Variants in HIVEP3 observed in about 807,000 individuals in gnomAD.
HIVEP3 encodes HIVEP zinc finger 3, also known as transcription factor HIVEP3.
In HIVEP3, 49 loss-of-function variants were observed where a neutral mutation model predicts 152.8. The observed-to-expected ratio is 0.32, with a 90% confidence interval of 0.26 to 0.41. The LOEUF is 0.41. Among genes scored for constraint, HIVEP3 ranks in the 10% least tolerant of loss-of-function variants. HIVEP3 has a pLI of 1.00. For missense variants in HIVEP3, 2,790 were observed against 3,103.3 expected (o/e 0.90, Z 2.40); for synonymous variants, 1,269 against 1,289.0 (o/e 0.98, Z 0.33).
intron 1 of HIVEP3, among the ~76,000 whole-genome samples, chr1:41,945,957 C>A (rs1645072599): frequency 6.6e-6 from 1 of 152,048 alleles, no homozygotes. Context: ...AACTTAGAAA[C>A]CCTACTGAAC....
At chr1:41,636,325 G>C (rs943822599) in intron 2 of HIVEP3, among the ~76,000 whole-genome samples, 1 of 152,200 alleles carries the variant, frequency 6.6e-6, no homozygotes. Context: ...ATATGGATTA[G>C]AGATATAAAC....
In HIVEP3 at chr1:41,584,388, C is replaced by T. The variant is rs892098653; in HGVS notation, c.410G>A (p.Gly137Glu). 6.2e-7 allele frequency: 1 copy of T among 1,613,710 alleles called. No homozygotes were observed. The highest frequency in any genetic ancestry group is 1.3e-5 in the African/African-American group (1 of 74,966). The part of the protein sequence containing the change: ...PGPSGSFVAP[G>E]LHPQSQLLPS... ...AAGGAGCTGGCTCTGAGGATGGAGC[C>T]CAGGGGCCACGAAGGAGCCAGAGGG... The change falls in exon 4 of 9, where the codon GGG (glycine) becomes GAG (glutamate). Residue 137 changes from glycine to glutamate, a missense_variant. Gly to Glu is a moderately conservative substitution (Grantham distance 98, BLOSUM62 -2). Transcript: ENST00000372583. This position sits in a 1 kb window ranked among gnomAD's most constrained non-coding sequence, Gnocchi z 5.2.
chr1:41,893,095 C>T (rs537189806), intron 1 of HIVEP3, among the ~76,000 whole-genome samples: 3 of 132,986 alleles, frequency 2.3e-5, no homozygotes, highest in Non-Finnish European at 4.6e-5. Flanking sequence ...TGCACTCTAG[C>T]GTGGGTGACA....
intron 4 of HIVEP3, among the ~76,000 whole-genome samples, chr1:41,576,856 C>A (rs1306595187): frequency 6.6e-6 from 1 of 152,346 alleles, no homozygotes; most frequent in East Asian, 1.9e-4. Flanking sequence ...TCCAGGGCAA[C>A]TTCTGTGACT....
chr1:41,699,031 C>T (rs1040760535), intron 2 of HIVEP3, among the ~76,000 whole-genome samples: 4 of 152,206 alleles, frequency 2.6e-5, no homozygotes, highest in African/African-American at 4.8e-5. Context: ...CATTAAGGCA[C>T]GCACGCTGAC....
At chr1:41,923,164 A>C (rs1644950137), upstream of HIVEP3, among the ~76,000 whole-genome samples, 1 of 152,256 alleles carries the variant, frequency 6.6e-6, no homozygotes, top group Non-Finnish European at 1.5e-5. Context: ...TGGTTACTAC[A>C]TGGTAGTTAA....
At chr1:41,902,336 G>C (rs1644639119) in intron 1 of HIVEP3, among the ~76,000 whole-genome samples, 1 of 152,152 alleles carries the variant, frequency 6.6e-6, no homozygotes, top group Non-Finnish European at 1.5e-5. Context: ...GTCGGTAGGA[G>C]AGTGGAGAAG....
At position 41,584,463 on chromosome 1, in the gene HIVEP3, T is replaced by C; in HGVS notation, c.335A>G (p.His112Arg). The change falls in exon 4 of 9, where the codon CAT becomes CGT. Residue 112 changes from histidine (H) to arginine (R), a missense_variant. His to Arg is a conservative substitution (Grantham distance 29). Around this residue, in one of 9 missense-constraint regions of HIVEP3, gnomAD observed 209 missense variants for 237.0 expected, o/e 0.88. Coordinates refer to ENST00000372583, the MANE Select transcript of HIVEP3 (RefSeq NM_024503.5). The surrounding 1 kb of genome is among the most constrained non-coding windows in gnomAD (Gnocchi z 5.2). ...TTGCCATGTGGACCCCTCCAGGAGA[T>C]GCTCAGGTTTGCCAGGCGACATGAA... ...PAFMSPGKPE[H>R]LLEGSTWQLV... 1 of 1,614,062 alleles carries C rather than the reference T, an allele frequency of 6.2e-7. No homozygotes were observed.
At chr1:41,623,587 T>C (rs1645075613) in intron 3 of HIVEP3, among the ~76,000 whole-genome samples, 1 of 152,106 alleles carries the variant, frequency 6.6e-6, no homozygotes, top group South Asian at 2.1e-4. Flanking sequence ...CAGGCCTGGC[T>C]CTCTTCCTTG....
chr1:41,550,723 G>GT (rs1643885815), intron 5 of HIVEP3, among the ~76,000 whole-genome samples: 2 of 152,082 alleles, frequency 1.3e-5, no homozygotes, highest in Admixed American at 1.3e-4. Flanking sequence ...GCACATTGAT[G>GT]TTGTATCCTG....
At chr1:42,001,413 C>T (rs1055115588) in intron 1 of HIVEP3, among the ~76,000 whole-genome samples, 3 of 152,144 alleles carry the variant, frequency 2.0e-5, no homozygotes, top group African/African-American at 7.2e-5. Context: ...GATGCTGTGC[C>T]CATAAAGGCA....
intron 1 of HIVEP3, among the ~76,000 whole-genome samples, chr1:41,955,571 T>C (rs12069939): frequency 0.015 from 2,333 of 152,300 alleles, 58 homozygotes; most frequent in African/African-American, 0.054. Flanking sequence ...CATCCTGCCA[T>C]GCAGGGCACA....
chr1:41,626,565 C>T (rs1645121287), intron 3 of HIVEP3, among the ~76,000 whole-genome samples: 1 of 152,148 alleles, frequency 6.6e-6, no homozygotes, highest in Admixed American at 6.5e-5. Flanking sequence ...GGACAGTTCC[C>T]CCATGTATCT....
intron 1 of HIVEP3, among the ~76,000 whole-genome samples, chr1:41,787,696 ATTTT>A (rs879683214): frequency 3.7e-5 from 5 of 135,476 alleles, no homozygotes; most frequent in African/African-American, 1.3e-4. Flanking sequence ...AATTAAAAAA[ATTTT>A]TTTTTTTTTT....
In HIVEP3 at chr1:41,901,295, G is replaced by A. The variant is rs538404273; in HGVS notation, c.-801+17118C>T. ...GGGAAGGTGCTGAGCCGAGTTATGC[G>A]TGTGTTGAGTCATCTAAGTGGAGAT... On this transcript the variant is annotated intron_variant, in intron 1 of 8. Transcript: ENST00000372583. Among the ~76,000 whole-genome samples the A allele has an allele frequency of 1.1e-3, 173 of 152,236 alleles. 3 individuals are homozygous for A. In the South Asian group the frequency reaches 0.033, roughly 29 times the overall value.
At chr1:41,525,104 C>T (rs992860635) in intron 5 of HIVEP3, among the ~76,000 whole-genome samples, 194 bp from the exon 6 acceptor site, 13 of 152,154 alleles carry the variant, frequency 8.5e-5, no homozygotes, top group Non-Finnish European at 1.2e-4. Context: ...CCCCTGCGCC[C>T]CTCCCCCTCA....
intron 1 of HIVEP3, among the ~76,000 whole-genome samples, chr1:42,011,410 G>A (rs1487719234): frequency 6.6e-6 from 1 of 152,200 alleles, no homozygotes. Context: ...ATTAGTTTCT[G>A]TATTGACCTC....
intron 1 of HIVEP3, among the ~76,000 whole-genome samples, chr1:41,866,601 A>T (rs554485603): frequency 3.7e-4 from 57 of 152,066 alleles, no homozygotes; most frequent in African/African-American, 1.1e-3. Flanking sequence ...TAAAAAGGTA[A>T]CCTCTGTCCT....
At chr1:41,529,705 T>A (rs1175521344) in intron 5 of HIVEP3, among the ~76,000 whole-genome samples, 1 of 126,198 alleles carries the variant, frequency 7.9e-6, no homozygotes, top group Non-Finnish European at 1.6e-5. Flanking sequence ...TGAATACTCA[T>A]ATACCCCATA....
Sources: allele counts gnomAD v4.1 joint callset (sites outside exome capture counted in the v4.1 genomes callset), GRCh38; gene constraint gnomAD v4.1.1; regional missense constraint gnomAD v4.1.1; non-coding constraint Gnocchi (gnomAD v3.1); transcripts MANE v1.5; gene names NCBI Gene and HGNC (gene_info 2026-07-23, HGNC 2026-07-21).